SLC22A4: variants seen among roughly 807,000 people sequenced by gnomAD.
SLC22A4 encodes the protein solute carrier family 22 member 4, also known as ET transporter.
Under a neutral mutation model 56.6 loss-of-function variants are expected in SLC22A4, and 39 were observed. The ratio of observed to expected loss-of-function variants is 0.69; its 90% CI spans 0.53 to 0.90. The LOEUF is 0.90. Among genes scored for constraint, SLC22A4 ranks in the 40% least tolerant of loss-of-function variants. The pLI is 0.00. For missense variants in SLC22A4, 594 were observed against 696.5 expected, an observed-to-expected ratio of 0.85 and a Z score of 1.66; for synonymous variants, 241 against 281.4, an observed-to-expected ratio of 0.86 and a Z score of 1.44.
intron 6 of SLC22A4, among the ~76,000 whole-genome samples, chr5:132,333,755 G>T (rs925889654): frequency 6.6e-6 from 1 of 151,962 alleles, no homozygotes; most frequent in Non-Finnish European, 1.5e-5. Context: ...AGAAAAATGG[G>T]GGTACTCAGT....
chr5:132,335,081 T>C (rs1219951266), intron 7 of SLC22A4, 149 bp downstream of exon 7: 1 of 695,372 alleles, frequency 1.4e-6, no homozygotes, highest in Admixed American at 2.0e-5. Context: ...CTACGTATGT[T>C]GTTTCCTGTG....
At chr5:132,308,570 C>T (rs538689444) in intron 1 of SLC22A4, among the ~76,000 whole-genome samples, 38 of 151,978 alleles carry the variant, frequency 2.5e-4, no homozygotes, top group Non-Finnish European at 5.1e-4. Context: ...CTGTTACTGT[C>T]TTTCCCATTA....
chr5:132,297,057 C>A (rs1380766262), intron 1 of SLC22A4, among the ~76,000 whole-genome samples: 2 of 152,198 alleles, frequency 1.3e-5, no homozygotes, highest in African/African-American at 2.4e-5. Flanking sequence ...GTGGCTCACG[C>A]CTGTAATCCC....
At chr5:132,301,330 G>A (rs1364320981) in intron 1 of SLC22A4, among the ~76,000 whole-genome samples, 1 of 152,250 alleles carries the variant, frequency 6.6e-6, no homozygotes, top group Non-Finnish European at 1.5e-5. Context: ...GGAACCTTGT[G>A]TGTTAAGGAC....
At chr5:132,324,589 T>C in intron 4 of SLC22A4, 2 of 471,164 alleles carry the variant, frequency 4.2e-6, no homozygotes, top group Non-Finnish European at 8.8e-6. Context: ...CCAGTGGTCT[T>C]ACCATTTTCC....
chr5:132,322,405 C>G, intron 4 of SLC22A4, 50 bp downstream of exon 4: 2 of 1,553,192 alleles, frequency 1.3e-6, no homozygotes, highest in Non-Finnish European at 1.8e-6. Flanking sequence ...GTCAGCACAC[C>G]TGGAACACAC....
At chr5:132,341,604 A>T (rs538794553) in intron 9 of SLC22A4, among the ~76,000 whole-genome samples, 18 of 152,224 alleles carry the variant, frequency 1.2e-4, no homozygotes, top group Admixed American at 6.5e-5. Context: ...AGTAAAAGGT[A>T]TTAGAACATT....
intron 8 of SLC22A4, among the ~76,000 whole-genome samples, chr5:132,336,343 G>A (rs1357189579): frequency 1.3e-5 from 2 of 152,104 alleles, no homozygotes; most frequent in African/African-American, 4.8e-5. Flanking sequence ...GGCCAGCATG[G>A]TGAAACCCTG....
chr5:132,318,587 CG>C (rs1750433080), intron 3 of SLC22A4, among the ~76,000 whole-genome samples: 1 of 152,084 alleles, frequency 6.6e-6, no homozygotes, highest in Admixed American at 6.6e-5. Context: ...ATGGGCCCAG[CG>C]GTTCCTGGGG....
At position 132,313,650 on chromosome 5, in the gene SLC22A4, T is replaced by G; in HGVS notation, c.534T>G (p.Ala178=). The change falls in exon 3 of 10, where the codon GCT becomes GCG. Residue 178 remains alanine (A), a synonymous_variant. Coordinates refer to ENST00000200652, the MANE Select transcript of SLC22A4 (RefSeq NM_003059.3). The part of the protein sequence containing the change: ...GRKNVLFATM[A]VQTGFSFLQI... ...AGAACGTTCTCTTCGCAACCATGGC[T>G]GTACAGACTGGCTTCAGCTTCCTGC... 1 of 1,614,250 alleles carries G rather than the reference T, an allele frequency of 6.2e-7. No individual in the cohort carries two copies. The highest frequency in any genetic ancestry group is 8.5e-7 in the Non-Finnish European group (1 of 1,180,028).
intron 3 of SLC22A4, among the ~76,000 whole-genome samples, chr5:132,318,465 G>T (rs1750428951): frequency 6.6e-6 from 1 of 152,126 alleles, no homozygotes; most frequent in Non-Finnish European, 1.5e-5. Context: ...CATGGTTCCT[G>T]GGTCTCGCCT....
chr5:132,297,728 AG>A (rs1749812377), intron 1 of SLC22A4, among the ~76,000 whole-genome samples: 1 of 151,834 alleles, frequency 6.6e-6, no homozygotes, highest in South Asian at 2.1e-4. Context: ...GAGGATTGCT[AG>A]GGGGCAGGAG....
At chr5:132,306,957 C>A (rs71583469) in intron 1 of SLC22A4, among the ~76,000 whole-genome samples, 14,398 of 152,018 alleles carry the variant, frequency 0.095, 806 homozygotes, top group East Asian at 0.27. Context: ...GAGGAAGTAG[C>A]GAATGAGGAG....
chr5:132,298,085 T>TA (rs1749819370), intron 1 of SLC22A4, among the ~76,000 whole-genome samples: 1 of 152,144 alleles, frequency 6.6e-6, no homozygotes, highest in Admixed American at 6.5e-5. Flanking sequence ...TGGTGGTCCC[T>TA]AAAAAAATTA....
At position 132,334,923 on chromosome 5, in the gene SLC22A4, G is replaced by A. The variant is rs1580846285; in HGVS notation, c.1252G>A (p.Val418Ile). ...GGGVLLFIQL[V>I]PVDYYFLSIG... ...AGGTGTGCTTCTCTTCATTCAACTG[G>A]TACCTGTGGGTAAGAAGTTAACCAA... Residue 418 changes from valine to isoleucine, a missense_variant, in exon 7 of 10, where the codon GTA becomes ATA. Val to Ile is a conservative substitution (Grantham distance 29). Coordinates refer to ENST00000200652, the MANE Select transcript of SLC22A4 (RefSeq NM_003059.3). The A allele has an allele frequency of 6.2e-7, 1 of 1,609,420 alleles. No individual in the cohort carries two copies. Among genetic ancestry groups the A allele is most frequent in the Middle Eastern group, 1.9e-4 (1 of 5,378 alleles).
Position 132,294,659 on chromosome 5 carries a change from G to C in SLC22A4, c.43G>C (p.Gly15Arg), listed in dbSNP as rs1325651731. The part of the protein sequence containing the change: ...DEVIAFLGEW[G>R]PFQRLIFFLL... ...GGTGATCGCCTTCCTGGGCGAGTGG[G>C]GGCCCTTCCAGCGCCTCATCTTCTT... The change falls in exon 1 of 10, where the codon GGG becomes CGG. Residue 15 changes from glycine (G) to arginine (R), a missense_variant. Physicochemically the swap from Gly to Arg is moderately radical, Grantham distance 125 (BLOSUM62 -2). Coordinates refer to ENST00000200652, the MANE Select transcript of SLC22A4 (RefSeq NM_003059.3). The surrounding 1 kb of genome is among the most constrained non-coding windows in gnomAD (Gnocchi z 5.6). 3.1e-6 allele frequency: 5 copies of C among 1,614,040 alleles called. No homozygotes were observed. Among genetic ancestry groups the C allele is most frequent in the Non-Finnish European group, 3.4e-6 (4 of 1,180,032 alleles).
chr5:132,327,495 T>C, intron 5 of SLC22A4, 92 bp downstream of exon 5: 1 of 1,095,794 alleles, frequency 9.1e-7, no homozygotes, highest in Non-Finnish European at 1.4e-6. Context: ...AAGTGCCCAC[T>C]ATGTACCAGG....
At chr5:132,299,334 G>T (rs1395222456) in intron 1 of SLC22A4, among the ~76,000 whole-genome samples, 1 of 152,206 alleles carries the variant, frequency 6.6e-6, no homozygotes, top group Non-Finnish European at 1.5e-5. Context: ...TTCTTCAGGG[G>T]TTGATTGTGA....
chr5:132,312,257 TCAGA>T lies in SLC22A4; in HGVS notation c.494_497del (p.Asp165GlyfsTer48). On this transcript the variant is annotated frameshift_variant, in exon 2 of 10. Transcript: ENST00000200652. LOFTEE classifies it high-confidence loss of function. The stretch of plus-strand genomic sequence containing the variant: ...CGGCTCCTTCGTGTCCGGGCAGCTG[TCAGA>T]CAGGTAAGCACATGGGAGGGGAGGA... 6.2e-7 allele frequency: 1 copy of T among 1,608,896 alleles called. No homozygotes were observed. The highest frequency in any genetic ancestry group is 8.5e-7 in the Non-Finnish European group (1 of 1,175,308).
Sources: gnomAD v4.1 joint callset for allele counts (sites outside exome capture counted in the v4.1 genomes callset) on GRCh38, gnomAD v4.1.1 for gene constraint, Gnocchi (gnomAD v3.1) non-coding constraint, MANE v1.5 for transcripts, NCBI Gene and HGNC (gene_info 2026-07-23, HGNC 2026-07-21) for gene names.